SLC25A16: variants seen among roughly 807,000 people sequenced by gnomAD.
SLC25A16 encodes solute carrier family 25 member 16.
In SLC25A16, 39 loss-of-function variants were observed where a neutral mutation model predicts 41.5. The observed-to-expected ratio is 0.94, with a 90% CI of 0.73 to 1.23. The LOEUF is 1.23. Ranked by LOEUF, SLC25A16 falls within the 50% of genes most tolerant of loss-of-function variation. The pLI, the probability that SLC25A16 is intolerant of heterozygous loss-of-function variation, is 0.00. For synonymous variants in SLC25A16, 146 were observed against 147.8 expected (o/e 0.99, Z 0.09); for missense variants, 421 against 426.9 (o/e 0.99, Z 0.12).
rs375690861 is a variant in SLC25A16, at chr10:68,478,102, AAAG to A, written c.*5327_*5329del. 6.6e-6 allele frequency: 1 copy of A among 152,230 alleles called. No homozygotes were observed. The highest frequency in any genetic ancestry group is 1.5e-5 in the Non-Finnish European group (1 of 68,046). The allele number at this position is 152,230 out of a possible 1,614,324, so 9.4% of individuals were successfully genotyped here. A position where few individuals can be genotyped will look rare whatever the true frequency, so the allele number is the denominator to read the frequency against. ...GTATTAAAGTATAGCATCATAGCTA[AAAG>A]AATAGGCTCTAGATTCAGACCGGCT... On this transcript the variant is annotated 3_prime_UTR_variant, in exon 9 of 9. Transcript: ENST00000609923.
intron 1 of SLC25A16, among the ~76,000 whole-genome samples, chr10:68,520,824 A>T (rs942986286): frequency 3.3e-5 from 5 of 151,228 alleles, no homozygotes; most frequent in African/African-American, 1.2e-4. Flanking sequence ...AAAAAAAAAA[A>T]AAAAAAATAC....
chr10:68,522,814 C>CA lies in SLC25A16; in HGVS notation c.130+4431dup, dbSNP rs58143466. Among the ~76,000 whole-genome samples the CA allele has an allele frequency of 4.8e-3, 316 of 65,256 alleles. 2 individuals are homozygous for CA. The highest frequency in any genetic ancestry group is 0.013 in the East Asian group (26 of 2,064). 42.8% of individuals were successfully genotyped at this position (65,256 alleles called of 152,430 possible). A position where few individuals can be genotyped will look rare whatever the true frequency, so the allele number is the denominator to read the frequency against. ...TAGGCAACAGAGTGAGATTCCTTCT[C>CA]AAAAAAAAAAAAAAAAAAAAAAAAT... On this transcript the variant is annotated intron_variant, in intron 1 of 8. Transcript: ENST00000609923.
At chr10:68,502,554 T>C (rs2052866608) in intron 4 of SLC25A16, among the ~76,000 whole-genome samples, 1 of 150,938 alleles carries the variant, frequency 6.6e-6, no homozygotes, top group African/African-American at 2.4e-5. Flanking sequence ...ACATGACAAA[T>C]GCCCGTCTCT....
rs1045033795 is a variant in SLC25A16, at chr10:68,482,388, C to T, written c.*1044G>A. 1.3e-5 allele frequency: 2 copies of T among 152,484 alleles called. No individual in the cohort carries two copies. The highest frequency in any genetic ancestry group is 4.8e-5 in the African/African-American group (2 of 41,418). The allele number at this position is 152,484 out of a possible 1,614,324, so 9.4% of individuals were successfully genotyped here. A position where few individuals can be genotyped will look rare whatever the true frequency, so the allele number is the denominator to read the frequency against. ...AACATTTTCTTAATATAAAGGATAA[C>T]AATTCAAATCATATTTTACATTTCT... On this transcript the variant is annotated 3_prime_UTR_variant, in exon 9 of 9. Coordinates refer to ENST00000609923, the MANE Select transcript of SLC25A16 (RefSeq NM_152707.4).
intron 1 of SLC25A16, 22 bp from the exon 2 acceptor site, chr10:68,516,865 A>G: frequency 6.4e-7 from 1 of 1,557,916 alleles, no homozygotes. Context: ...TCAAAAGGTC[A>G]GGAAGAAATT....
intron 2 of SLC25A16, among the ~76,000 whole-genome samples, chr10:68,513,798 G>A (rs1265095597): frequency 6.6e-6 from 1 of 152,078 alleles, no homozygotes; most frequent in African/African-American, 2.4e-5. Flanking sequence ...GCTGAGGCAG[G>A]AGAATAGTTT....
At chr10:68,503,375 C>A (rs1453407356) in intron 4 of SLC25A16, 3 of 315,654 alleles carry the variant, frequency 9.5e-6, no homozygotes, top group African/African-American at 6.6e-5. Context: ...TAAAATGACT[C>A]TTTTTCAGTT....
chr10:68,485,899 A>C (rs2052552461), intron 8 of SLC25A16, among the ~76,000 whole-genome samples: 1 of 147,466 alleles, frequency 6.8e-6, no homozygotes, highest in Non-Finnish European at 1.5e-5. Flanking sequence ...CTGGGTTCAC[A>C]CGATTCTCCT....
intron 2 of SLC25A16, 89 bp downstream of exon 2, chr10:68,516,659 TTAC>T: frequency 1.2e-6 from 1 of 832,680 alleles, no homozygotes. Context: ...AACCTCTACT[TTAC>T]TTTTTACACC....
At chr10:68,521,255 C>T (rs2053245076) in intron 1 of SLC25A16, among the ~76,000 whole-genome samples, 2 of 151,924 alleles carry the variant, frequency 1.3e-5, no homozygotes, top group Admixed American at 6.6e-5. Flanking sequence ...CTAATTAAAA[C>T]CGGCCGGCTG....
intron 1 of SLC25A16, among the ~76,000 whole-genome samples, chr10:68,525,928 C>T (rs1184936715): frequency 6.6e-6 from 1 of 151,920 alleles, no homozygotes; most frequent in Non-Finnish European, 1.5e-5. Context: ...CATCACCACT[C>T]CCTAATCTCA....
At position 68,502,119 on chromosome 10, in the gene SLC25A16, TG is replaced by T. The variant is rs1436761551; in HGVS notation, c.421+1512del. On this transcript the variant is annotated intron_variant, in intron 4 of 8. Coordinates refer to ENST00000609923, the MANE Select transcript of SLC25A16 (RefSeq NM_152707.4). ...CTGAGGCAGGAGGATTGCTTGAACC[TG>T]GGAGGCAGAGGTTGCAGTGAGCTGA... Among the ~76,000 whole-genome samples the T allele has an allele frequency of 6.0e-5, 4 of 66,828 alleles. No individual in the cohort carries two copies. In the East Asian group the frequency reaches 2.8e-3, roughly 46 times the overall value. The allele number at this position is 66,828 out of a possible 152,430, so 43.8% of individuals were successfully genotyped here. A position where few individuals can be genotyped will look rare whatever the true frequency, so the allele number is the denominator to read the frequency against.
chr10:68,510,821 G>C (rs895778305), intron 2 of SLC25A16, among the ~76,000 whole-genome samples: 1 of 151,706 alleles, frequency 6.6e-6, no homozygotes, highest in African/African-American at 2.4e-5. Context: ...CTGGGCGACA[G>C]AGCAAGACTC....
chr10:68,525,285 G>A (rs1321230105), intron 1 of SLC25A16, among the ~76,000 whole-genome samples: 4 of 151,944 alleles, frequency 2.6e-5, no homozygotes, highest in Non-Finnish European at 4.4e-5. Context: ...ACAGGCGAGT[G>A]CCACCACGCC....
At chr10:68,502,263 G>T (rs1380070827) in intron 4 of SLC25A16, among the ~76,000 whole-genome samples, 3 of 151,898 alleles carry the variant, frequency 2.0e-5, no homozygotes, top group Non-Finnish European at 4.4e-5. Context: ...CCTTAGAACG[G>T]GGAGAAAATT....
chr10:68,518,797 A>G lies in SLC25A16; in HGVS notation c.131-1954T>C, dbSNP rs140650385. On this transcript the variant is annotated intron_variant, in intron 1 of 8. Coordinates refer to ENST00000609923, the MANE Select transcript of SLC25A16 (RefSeq NM_152707.4). ...TCAAAAAAACAAATAAAATAAATAA[A>G]TAAATAAATAAATTAAATAAATAAA... Among the ~76,000 whole-genome samples, 718 of 141,884 alleles carry G rather than the reference A, an allele frequency of 5.1e-3. 40 individuals are homozygous for G. In the East Asian group the frequency reaches 0.12, roughly 24 times the overall value. 93.1% of individuals were successfully genotyped at this position (141,884 alleles called of 152,430 possible).
chr10:68,519,527 A>T (rs1471517843), intron 1 of SLC25A16, among the ~76,000 whole-genome samples: 1 of 151,886 alleles, frequency 6.6e-6, no homozygotes, highest in East Asian at 1.9e-4. Flanking sequence ...GCTATCCAAA[A>T]TTATGGGTAA....
At chr10:68,525,648 TTAAA>T (rs2053325236) in intron 1 of SLC25A16, among the ~76,000 whole-genome samples, 1 of 152,222 alleles carries the variant, frequency 6.6e-6, no homozygotes, top group East Asian at 1.9e-4. Flanking sequence ...TTTTTGAATC[TTAAA>T]TAATTAAGTA....
intron 2 of SLC25A16, among the ~76,000 whole-genome samples, chr10:68,509,065 C>CGGT (rs767030197): frequency 3.0e-4 from 46 of 151,992 alleles, no homozygotes; most frequent in Non-Finnish European, 5.7e-4. Context: ...GGGCCGGGCG[C>CGGT]GGTGGTTCAT....
Sources: gnomAD v4.1 joint callset for allele counts (sites outside exome capture counted in the v4.1 genomes callset) on GRCh38, gnomAD v4.1.1 for gene constraint, MANE v1.5 for transcripts, NCBI Gene and HGNC (gene_info 2026-07-23, HGNC 2026-07-21) for gene names.